TMEM116: variants seen among roughly 807,000 people sequenced by gnomAD.
TMEM116 encodes the protein transmembrane protein 116.
In TMEM116, 38 loss-of-function variants were observed where a neutral mutation model predicts 44.3. The ratio of observed to expected loss-of-function variants is 0.86; its 90% CI spans 0.66 to 1.12. TMEM116 has a LOEUF of 1.12. Ranked by LOEUF, TMEM116 falls within the 50% of genes most tolerant of loss-of-function variation. TMEM116 has a pLI of 0.00. For synonymous variants in TMEM116, 132 were observed against 144.8 expected, an observed-to-expected ratio of 0.91 and a Z score of 0.64; for missense variants, 354 against 401.7, an observed-to-expected ratio of 0.88 and a Z score of 1.01.
intron 9 of TMEM116, among the ~76,000 whole-genome samples, chr12:111,933,655 A>ATT (rs141043717): frequency 7.1e-6 from 1 of 141,806 alleles, no homozygotes; most frequent in Non-Finnish European, 1.5e-5. Context: ...CGCCCGGCTA[A>ATT]TTTTTTTTTT....
intron 4 of TMEM116, among the ~76,000 whole-genome samples, chr12:111,964,048 T>C (rs1334234628): frequency 6.6e-6 from 1 of 151,974 alleles, no homozygotes; most frequent in Non-Finnish European, 1.5e-5. Flanking sequence ...TCCCGTTTTT[T>C]TTTTCTTTTT....
chr12:111,984,962 A>T (rs891184243), intron 4 of TMEM116, among the ~76,000 whole-genome samples: 4 of 152,128 alleles, frequency 2.6e-5, no homozygotes, highest in African/African-American at 9.7e-5. Flanking sequence ...AAAACAAAAT[A>T]AAAAAACATA....
chr12:112,002,316 C>G (rs1458049185), intron 3 of TMEM116, among the ~76,000 whole-genome samples: 1 of 150,746 alleles, frequency 6.6e-6, no homozygotes, highest in African/African-American at 2.4e-5. Context: ...TTGCTTGAAC[C>G]CAGGAGGCAA....
chr12:111,983,828 T>C (rs541471797), intron 4 of TMEM116, among the ~76,000 whole-genome samples: 2 of 152,226 alleles, frequency 1.3e-5, no homozygotes, highest in Non-Finnish European at 2.9e-5. Flanking sequence ...ACTCATTCTA[T>C]GAGGCCAGCA....
intron 4 of TMEM116, among the ~76,000 whole-genome samples, chr12:111,990,949 G>A (rs1442306636): frequency 2.6e-5 from 4 of 151,978 alleles, no homozygotes; most frequent in Admixed American, 6.6e-5. Flanking sequence ...GGCTGGGCAC[G>A]GTGGCTCACA....
At chr12:111,957,285 G>A (rs1447181908) in intron 4 of TMEM116, among the ~76,000 whole-genome samples, 5 of 151,240 alleles carry the variant, frequency 3.3e-5, no homozygotes, top group African/African-American at 9.7e-5. Context: ...CCATGATCCC[G>A]TCTGGGAACT....
intron 3 of TMEM116, 117 bp from the exon 4 acceptor site, chr12:111,992,006 C>T (rs1412662165): frequency 2.7e-6 from 3 of 1,127,778 alleles, no homozygotes; most frequent in Non-Finnish European, 3.6e-6. Flanking sequence ...TTTCTGGGGC[C>T]TCTGCCATTG....
At chr12:111,967,665 A>G (rs1270328161) in intron 4 of TMEM116, among the ~76,000 whole-genome samples, 1 of 152,188 alleles carries the variant, frequency 6.6e-6, no homozygotes, top group Non-Finnish European at 1.5e-5. Context: ...TTGATATCAC[A>G]GTAATGACAC....
chr12:111,988,655 T>A (rs1446764873), intron 4 of TMEM116, among the ~76,000 whole-genome samples: 2 of 146,700 alleles, frequency 1.4e-5, no homozygotes, highest in Non-Finnish European at 3.0e-5. Flanking sequence ...GCCGAGACTG[T>A]GCCACTGCAC....
Position 112,005,316 on chromosome 12 carries a change from A to T in TMEM116, c.-33-13T>A. On this transcript the variant is annotated splice_polypyrimidine_tract_variant and intron_variant, in intron 1 of 10. Transcript: ENST00000552374. ...TTGCAGGAAGAACCTAAGCAAAACA[A>T]GGAAAACGGAATAAAATTAAACCTT... The T allele has an allele frequency of 7.7e-7, 1 of 1,295,090 alleles. No individual in the cohort carries two copies. Among genetic ancestry groups the T allele is most frequent in the Non-Finnish European group, 9.8e-7 (1 of 1,022,308 alleles). 80.2% of individuals were successfully genotyped at this position (1,295,090 alleles called of 1,614,324 possible).
intron 4 of TMEM116, among the ~76,000 whole-genome samples, chr12:111,969,080 G>A (rs536069080): frequency 4.0e-5 from 6 of 151,658 alleles, no homozygotes; most frequent in Non-Finnish European, 8.8e-5. Flanking sequence ...CAGCACTTTG[G>A]GAGGCCACGG....
intron 4 of TMEM116, among the ~76,000 whole-genome samples, chr12:111,950,639 T>C (rs1053316614): frequency 4.6e-5 from 7 of 152,068 alleles, no homozygotes; most frequent in East Asian, 1.9e-4. Flanking sequence ...ATGCAGAAGA[T>C]TGAAACTGTA....
chr12:111,936,795 G>C lies in TMEM116; in HGVS notation c.485C>G (p.Ala162Gly), dbSNP rs1368177706. The change falls in exon 8 of 11, where the codon GCT (alanine) becomes GGT (glycine). Residue 162 changes from alanine (A) to glycine (G), a missense_variant. Transcript: ENST00000552374. ...ILMHSPPSAM[A>G]ELPPSANTSV... ...TGTGTTGGCAGAAGGTGGAAGTTCA[G>C]CCATGGCTGATGGTGGTGAGTGCAT... 10 of 1,611,990 alleles carry C rather than the reference G, an allele frequency of 6.2e-6. No homozygotes were observed. The South Asian group carries it at 9.9e-5, about 16-fold the overall frequency.
At chr12:111,962,971 A>G (rs1368047733) in intron 4 of TMEM116, among the ~76,000 whole-genome samples, 1 of 152,240 alleles carries the variant, frequency 6.6e-6, no homozygotes, top group Non-Finnish European at 1.5e-5. Context: ...ATTTATAAGA[A>G]CAAAACAACT....
At chr12:112,004,929 T>A (rs2077496562) in intron 2 of TMEM116, among the ~76,000 whole-genome samples, 1 of 152,154 alleles carries the variant, frequency 6.6e-6, no homozygotes, top group South Asian at 2.1e-4. Flanking sequence ...GGATTACAGG[T>A]ATGAGCTCAG....
At chr12:112,004,934 G>A (rs2077497116) in intron 2 of TMEM116, among the ~76,000 whole-genome samples, 1 of 152,294 alleles carries the variant, frequency 6.6e-6, no homozygotes, top group African/African-American at 2.4e-5. Context: ...ACAGGTATGA[G>A]CTCAGCCCTG....
intron 4 of TMEM116, among the ~76,000 whole-genome samples, chr12:111,981,498 G>A (rs976329781): frequency 3.9e-5 from 6 of 152,290 alleles, no homozygotes; most frequent in Admixed American, 1.3e-4. Flanking sequence ...GTTTTGGTGT[G>A]TCTGGTCCTT....
intron 3 of TMEM116, chr12:112,003,455 C>T (rs1161020960): frequency 5.8e-6 from 1 of 172,818 alleles, no homozygotes. Context: ...GTAGTCCCAG[C>T]TACTCGGGAG....
rs570731035 is a variant in TMEM116 at position 111,945,141 on chromosome 12, G to A, written c.211-1772C>T. 1.8e-4 allele frequency among the ~76,000 whole-genome samples: 27 copies of A among 147,126 alleles called. No homozygotes were observed. The South Asian group carries it at 3.6e-3, about 20-fold the overall frequency. The stretch of plus-strand genomic sequence containing the variant: ...CAAACCTTGAAAAGGTCAGGAGTTC[G>A]AGACCAGCCTGGCCAATATGGTGAA... On this transcript the variant is annotated intron_variant, in intron 4 of 10. Coordinates refer to ENST00000552374, the MANE Select transcript of TMEM116 (RefSeq NM_001193531.2).
Sources: allele counts gnomAD v4.1 joint callset (sites outside exome capture counted in the v4.1 genomes callset), GRCh38; gene constraint gnomAD v4.1.1; transcripts MANE v1.5; gene names NCBI Gene and HGNC (gene_info 2026-07-23, HGNC 2026-07-21).